The following PDE1C variants were observed in gnomAD, a reference collection of about 807,000 sequenced individuals.
PDE1C encodes the protein phosphodiesterase 1C.
Under a neutral mutation model 93.1 loss-of-function variants are expected in PDE1C, and 62 were observed. The ratio of observed to expected loss-of-function variants is 0.67; its 90% CI spans 0.54 to 0.82. PDE1C has a LOEUF of 0.82. Among genes scored for constraint, PDE1C ranks in the 40% least tolerant of loss-of-function variants. The probability of loss-of-function intolerance (pLI) is 0.00; values close to 1 mark genes in which losing one functional copy is unlikely to be tolerated. For synonymous variants in PDE1C, 325 were observed against 310.1 expected (o/e 1.05, Z -0.50); for missense variants, 742 against 884.6 (o/e 0.84, Z 2.04).
chr7:32,147,656 G>A (rs887317985), intron 3 of PDE1C, among the ~76,000 whole-genome samples: 8 of 152,214 alleles, frequency 5.3e-5, no homozygotes, highest in African/African-American at 1.9e-4. Context: ...ATCCCTCCTT[G>A]TGCTGGACTC....
At chr7:32,228,609 G>T (rs75088609) in intron 1 of PDE1C, among the ~76,000 whole-genome samples, 2 of 152,098 alleles carry the variant, frequency 1.3e-5, no homozygotes, top group South Asian at 4.1e-4. Context: ...CCTCAGAAAG[G>T]GGCCTCAAAG....
intron 1 of PDE1C, among the ~76,000 whole-genome samples, chr7:32,210,281 C>T (rs559942953): frequency 1.3e-5 from 2 of 152,182 alleles, no homozygotes; most frequent in African/African-American, 4.8e-5. Flanking sequence ...ATGTTTCATG[C>T]CCATAAACAT....
chr7:31,721,489 G>A, the PDE1C span, among the ~76,000 whole-genome samples: 1 of 151,990 alleles, frequency 6.6e-6, no homozygotes, highest in Non-Finnish European at 1.5e-5. Flanking sequence ...TACTGCATTG[G>A]GCACCACAGA....
At chr7:31,923,028 T>G (rs1015431215) in intron 2 of PDE1C, among the ~76,000 whole-genome samples, 3 of 152,112 alleles carry the variant, frequency 2.0e-5, no homozygotes, top group Non-Finnish European at 4.4e-5. Context: ...TTTGGGAAGC[T>G]AGGACTAAAC....
At chr7:31,687,945 C>G in the PDE1C span, among the ~76,000 whole-genome samples, 1 of 152,180 alleles carries the variant, frequency 6.6e-6, no homozygotes, top group Admixed American at 6.5e-5. Flanking sequence ...TTCTGAGAAT[C>G]AGTTCTATTA....
At chr7:31,791,851 T>C (rs1784629200) in intron 16 of PDE1C, among the ~76,000 whole-genome samples, 2 of 152,008 alleles carry the variant, frequency 1.3e-5, no homozygotes, top group African/African-American at 2.4e-5. Flanking sequence ...AAGAGGCCTA[T>C]CTAGGGTCTT....
At chr7:32,414,212 CAAA>C (rs112389316) in intron 1 of PDE1C, among the ~76,000 whole-genome samples, 1 of 104,034 alleles carries the variant, frequency 9.6e-6, no homozygotes. Context: ...GACCCAGTCT[CAAA>C]AAAAAAAAAG....
intron 2 of PDE1C, among the ~76,000 whole-genome samples, chr7:31,924,681 C>T (rs182834313): frequency 7.9e-5 from 12 of 152,300 alleles, no homozygotes; most frequent in East Asian, 3.9e-4. Flanking sequence ...AGGAAGACAA[C>T]GTTTTACTCG....
intron 16 of PDE1C, chr7:31,790,160 G>A (rs942445884): frequency 6.3e-7 from 1 of 1,597,402 alleles, no homozygotes; most frequent in African/African-American, 1.4e-5. Context: ...GGTCTTTGTG[G>A]AAGAAGGAGA....
intron 1 of PDE1C, among the ~76,000 whole-genome samples, chr7:32,385,361 T>G (rs1052102352): frequency 6.6e-6 from 1 of 152,230 alleles, no homozygotes; most frequent in Non-Finnish European, 1.5e-5. Flanking sequence ...TTCTCCATTA[T>G]GCCAAAGAGG....
chr7:32,336,482 T>TTAG (rs1562679731), intron 1 of PDE1C, among the ~76,000 whole-genome samples: 2 of 152,190 alleles, frequency 1.3e-5, no homozygotes, highest in Non-Finnish European at 2.9e-5. Flanking sequence ...ATTAGAAACA[T>TTAG]AAGTCTCATA....
At chr7:32,110,058 C>G (rs1798556733) in intron 3 of PDE1C, among the ~76,000 whole-genome samples, 1 of 152,150 alleles carries the variant, frequency 6.6e-6, no homozygotes, top group African/African-American at 2.4e-5. Flanking sequence ...AGACCTCTAG[C>G]ATTCCTCTAG....
the PDE1C span, among the ~76,000 whole-genome samples, chr7:31,647,653 AAC>A: frequency 4.2e-5 from 6 of 141,568 alleles, no homozygotes; most frequent in Non-Finnish European, 7.5e-5. Context: ...CAGCCTGAGC[AAC>A]AGAGAGAGTC....
At chr7:32,127,539 A>G (rs1563335312) in intron 3 of PDE1C, among the ~76,000 whole-genome samples, 1 of 152,142 alleles carries the variant, frequency 6.6e-6, no homozygotes, top group Non-Finnish European at 1.5e-5. Flanking sequence ...ATTTTCTACC[A>G]GCAAAACTAA....
intron 1 of PDE1C, among the ~76,000 whole-genome samples, chr7:32,051,818 G>T (rs534897496): frequency 6.6e-6 from 1 of 152,260 alleles, no homozygotes; most frequent in African/African-American, 2.4e-5. Flanking sequence ...CAGTGGCTCT[G>T]CTCCCATGTT....
At chr7:31,693,138 C>G in the PDE1C span, among the ~76,000 whole-genome samples, 10 of 152,208 alleles carry the variant, frequency 6.6e-5, no homozygotes, top group African/African-American at 2.2e-4. Context: ...ATGACTCCCC[C>G]CTCCTCTCCC....
chr7:32,316,095 G>A (rs1783164998), intron 1 of PDE1C, among the ~76,000 whole-genome samples: 1 of 152,212 alleles, frequency 6.6e-6, no homozygotes, highest in African/African-American at 2.4e-5. Context: ...TCACTAGACT[G>A]TAAACCTCAT....
At chr7:31,643,451 A>G in the PDE1C span, 1 of 1,614,006 alleles carries the variant, frequency 6.2e-7, no homozygotes, top group East Asian at 2.2e-5. Context: ...ACAGAAGCTG[A>G]GATGGAAAAC....
chr7:32,241,948 C>T (rs1324508118), intron 1 of PDE1C, among the ~76,000 whole-genome samples: 1 of 152,130 alleles, frequency 6.6e-6, no homozygotes, highest in Non-Finnish European at 1.5e-5. Flanking sequence ...CTTCTGATTG[C>T]TTCTACCTTC....
Sources: gnomAD v4.1 joint callset for allele counts (sites outside exome capture counted in the v4.1 genomes callset) on GRCh38, gnomAD v4.1.1 for gene constraint, MANE v1.5 for transcripts, NCBI Gene and HGNC (gene_info 2026-07-23, HGNC 2026-07-21) for gene names.